Variants in DNAH11 observed in about 807,000 individuals in gnomAD.
The protein encoded by DNAH11 is axonemal beta dynein heavy chain 11.
A neutral mutation model predicts 526.0 loss-of-function variants in DNAH11; 442 were observed. That is an observed-to-expected ratio of 0.84 (90% CI 0.78 to 0.91). The LOEUF is 0.91. Among genes scored for constraint, DNAH11 ranks in the 40% least tolerant of loss-of-function variants. DNAH11 has a pLI of 0.00. For missense variants in DNAH11, 6,989 were observed against 5,448.7 expected (o/e 1.28, Z -8.90); for synonymous variants, 2,461 against 1,935.9 (o/e 1.27, Z -7.12).
intron 31 of DNAH11, among the ~76,000 whole-genome samples, chr7:21,681,997 C>T (rs953643359): frequency 6.6e-6 from 1 of 152,166 alleles, no homozygotes; most frequent in Non-Finnish European, 1.5e-5. Context: ...GGTCATTGGC[C>T]TGTGAGCCTC....
In DNAH11 at chr7:21,589,229, C is replaced by T. The variant is rs752831166; in HGVS notation, c.1995C>T (p.His665=). The stretch of plus-strand genomic sequence containing the variant: ...ACAGATTTTTGGGCAATCCTGATCA[C>T]GCTTTAGTTTATCAAAAGTATGTTG... The part of the protein sequence containing the change: ...LRYLFLGNPD[H]ALVYQKYVEM... The change falls in exon 12 of 82, where the codon CAC becomes CAT. Residue 665 remains histidine (H), a synonymous_variant. Transcript: ENST00000409508. The T allele has an allele frequency of 3.2e-5, 51 of 1,608,392 alleles. No homozygotes were observed. Among genetic ancestry groups the T allele is most frequent in the South Asian group, 2.1e-4 (19 of 89,392 alleles).
At chr7:21,637,360 G>C (rs6970367) in intron 26 of DNAH11, among the ~76,000 whole-genome samples, 1 of 151,818 alleles carries the variant, frequency 6.6e-6, no homozygotes, top group African/African-American at 2.4e-5. Flanking sequence ...GAAAAATTCT[G>C]TGTGGGCCTA....
chr7:21,816,671 G>C lies in DNAH11; in HGVS notation c.10537G>C (p.Asp3513His), dbSNP rs765301743. Residue 3513 changes from aspartate (D) to histidine (H), a missense_variant, in exon 64 of 82, where the codon GAC (aspartate) becomes CAC (histidine). Asp to His is a moderately conservative substitution (Grantham distance 81). Coordinates refer to ENST00000409508, the MANE Select transcript of DNAH11 (RefSeq NM_001277115.2). ...GTGGATCAAGAATAAGTATGGAATG[G>C]ACCTGAAAGTCACACATTTGGGCCA... is the stretch of plus-strand genomic sequence containing the variant. ...IKWIKNKYGM[D>H]LKVTHLGQKG... 6.2e-7 allele frequency: 1 copy of C among 1,613,614 alleles called. No homozygotes were observed. Among genetic ancestry groups the C allele is most frequent in the East Asian group, 2.2e-5 (1 of 44,860 alleles).
At position 21,755,535 on chromosome 7, in the gene DNAH11, A is replaced by G. The variant is rs571834262; in HGVS notation, c.8940+5171A>G. Reference sequence around the variant, plus strand: ...ATATATATATAGTTATCCATTTCTGATAATTTAAAAAATATGTGTTCATTG... The same window carrying G: ...ATATATATATAGTTATCCATTTCTGGTAATTTAAAAAATATGTGTTCATTG... On this transcript the variant is annotated intron_variant, in intron 54 of 81. Transcript: ENST00000409508. 2.7e-3 allele frequency among the ~76,000 whole-genome samples: 406 copies of G among 152,270 alleles called. 2 individuals are homozygous for G. The highest frequency in any genetic ancestry group is 9.4e-3 in the African/African-American group (392 of 41,564).
At chr7:21,740,984 G>GT (rs1157871418) in intron 48 of DNAH11, among the ~76,000 whole-genome samples, 1 of 152,110 alleles carries the variant, frequency 6.6e-6, no homozygotes, top group Non-Finnish European at 1.5e-5. Context: ...GATTAGTGAT[G>GT]TTTTTTATGT....
At chr7:21,686,076 T>G (rs994180601) in intron 32 of DNAH11, among the ~76,000 whole-genome samples, 13 of 152,356 alleles carry the variant, frequency 8.5e-5, no homozygotes, top group African/African-American at 2.6e-4. Context: ...ACTCATTCAT[T>G]GTAAGATACA....
chr7:21,814,093 T>C (rs985145744), intron 63 of DNAH11, among the ~76,000 whole-genome samples: 8 of 152,192 alleles, frequency 5.3e-5, no homozygotes, highest in East Asian at 1.9e-4. Context: ...CTGTAGGCAA[T>C]TGTAGCACAA....
chr7:21,869,054 G>T (rs1562594381), intron 73 of DNAH11, 63 bp downstream of exon 73: 2 of 1,603,584 alleles, frequency 1.2e-6, no homozygotes, highest in East Asian at 4.5e-5. Context: ...GGGCAGAGCT[G>T]GCCCGCCCAA....
At chr7:21,899,886 T>C (rs1234849141) in intron 80 of DNAH11, 94 bp from the exon 81 acceptor site, 7 of 1,474,518 alleles carry the variant, frequency 4.7e-6, no homozygotes, top group Non-Finnish European at 6.4e-6. Context: ...TAAAACACCC[T>C]ATGGGACTAA....
chr7:21,818,802 A>G (rs760403360), intron 65 of DNAH11, among the ~76,000 whole-genome samples: 3 of 152,180 alleles, frequency 2.0e-5, no homozygotes, highest in African/African-American at 7.2e-5. Context: ...AAATGTAACC[A>G]TTCGGAAAAG....
chr7:21,782,687 G>A (rs1381424117), intron 57 of DNAH11, among the ~76,000 whole-genome samples: 5 of 152,128 alleles, frequency 3.3e-5, no homozygotes, highest in Non-Finnish European at 5.9e-5. Flanking sequence ...TGAAGCAGGC[G>A]GATAACTTGA....
chr7:21,724,566 C>G (rs916352021), intron 44 of DNAH11, among the ~76,000 whole-genome samples: 1 of 149,792 alleles, frequency 6.7e-6, no homozygotes, highest in Non-Finnish European at 1.5e-5. Flanking sequence ...TTAGGTCATG[C>G]TATGGATATA....
chr7:21,677,907 A>T (rs985072014), intron 30 of DNAH11, among the ~76,000 whole-genome samples: 5 of 152,144 alleles, frequency 3.3e-5, no homozygotes, highest in African/African-American at 1.2e-4. Flanking sequence ...TCCTTTGCCC[A>T]TTGCTAATCA....
chr7:21,599,191 C>T (rs1209620294), intron 14 of DNAH11, among the ~76,000 whole-genome samples: 3 of 152,230 alleles, frequency 2.0e-5, no homozygotes, highest in African/African-American at 7.2e-5. Context: ...AACTAATTAA[C>T]ATTTCTACCA....
chr7:21,676,246 GGC>G (rs1782878024), intron 30 of DNAH11, among the ~76,000 whole-genome samples: 2 of 152,270 alleles, frequency 1.3e-5, no homozygotes, highest in African/African-American at 4.8e-5. Flanking sequence ...GTTTCAAAGG[GGC>G]GTAGGTAGAC....
Position 21,749,408 on chromosome 7 carries a change from A to G in DNAH11, c.8674-270A>G, listed in dbSNP as rs4449698. Among the ~76,000 whole-genome samples the G allele has an allele frequency of 0.59, 89,250 of 151,996 alleles. 27,235 individuals carry two copies. The highest frequency in any genetic ancestry group is 0.67 in the Non-Finnish European group (45,480 of 67,944). The stretch of plus-strand genomic sequence containing the variant: ...GCTGAATTCACTTGTACACAGTGAG[A>G]AGGGAGTTGGTGATCTGTAGCCTGT... On this transcript the variant is annotated intron_variant, in intron 52 of 81. Transcript: ENST00000409508.
At chr7:21,556,376 A>C (rs1198868751) in intron 2 of DNAH11, among the ~76,000 whole-genome samples, 1 of 152,254 alleles carries the variant, frequency 6.6e-6, no homozygotes, top group Non-Finnish European at 1.5e-5. Context: ...AGTCTGAAAC[A>C]GTACCCAGTA....
rs1390479396 is a variant in DNAH11, at chr7:21,591,503, G to C, written c.2593G>C (p.Asp865His). ...ACGAGAGGCAGCCTTCACCTTGGAG[G>C]ACAAGGGTGATTTGTTTACAAAAAA... ...HRREAAFTLE[D>H]KGDLFTKKYK... is the part of the protein sequence containing the mutation. Residue 865 changes from aspartate to histidine, a missense_variant, in exon 14 of 82, where the codon GAC (aspartate) becomes CAC (histidine). Asp to His is a moderately conservative substitution (Grantham distance 81). Transcript: ENST00000409508. 2.2e-5 allele frequency: 36 copies of C among 1,608,112 alleles called. No homozygotes were observed. The highest frequency in any genetic ancestry group is 3.1e-5 in the Non-Finnish European group (36 of 1,175,786).
chr7:21,866,086 T>C (rs539163493), intron 70 of DNAH11, among the ~76,000 whole-genome samples: 1 of 152,250 alleles, frequency 6.6e-6, no homozygotes, highest in Admixed American at 6.5e-5. Flanking sequence ...TCCTGTGACT[T>C]AGAATGCCTT....
Sources: gnomAD v4.1 joint callset for allele counts (sites outside exome capture counted in the v4.1 genomes callset) on GRCh38, gnomAD v4.1.1 for gene constraint, MANE v1.5 for transcripts, NCBI Gene and HGNC (gene_info 2026-07-23, HGNC 2026-07-21) for gene names.